Variants in TPTE observed in about 807,000 individuals in gnomAD.
TPTE encodes transmembrane phosphatase with tensin homology, also known as putative tyrosine-protein phosphatase TPTE.
Under a neutral mutation model 84.1 loss-of-function variants are expected in TPTE, and 59 were observed. The observed-to-expected ratio is 0.70, with a 90% CI of 0.57 to 0.87. The LOEUF (loss-of-function observed/expected upper bound fraction) is 0.87. Ranked by LOEUF, TPTE falls within the 40% of genes least tolerant of loss-of-function variation. The pLI is 0.00. For synonymous variants in TPTE, 130 were observed against 223.5 expected, an observed-to-expected ratio of 0.58 and a Z score of 3.73; for missense variants, 382 against 659.6, an observed-to-expected ratio of 0.58 and a Z score of 4.61.
chr21:10,587,052 A>T (rs2075379408), intron 17 of TPTE, among the ~76,000 whole-genome samples: 1 of 152,308 alleles, frequency 6.6e-6, no homozygotes, highest in Non-Finnish European at 1.5e-5. Flanking sequence ...ATTTTAGTGA[A>T]TGCTTTTTCC....
intron 3 of TPTE, among the ~76,000 whole-genome samples, chr21:10,536,675 T>C (rs549861921): frequency 6.6e-6 from 1 of 152,430 alleles, no homozygotes; most frequent in African/African-American, 2.4e-5. Context: ...ATACAGAATG[T>C]CTTTTACACT....
chr21:10,564,262 C>G (rs1379551978), intron 10 of TPTE, among the ~76,000 whole-genome samples: 4 of 152,310 alleles, frequency 2.6e-5, no homozygotes, highest in Admixed American at 6.5e-5. Flanking sequence ...ATAATCCCAG[C>G]ACTTTGGGAG....
chr21:10,545,799 A>T (rs1446838810), intron 7 of TPTE, among the ~76,000 whole-genome samples: 2 of 151,710 alleles, frequency 1.3e-5, no homozygotes, highest in Non-Finnish European at 2.9e-5. Context: ...ATATGTGCAT[A>T]TTTAAATGTG....
chr21:10,564,175 C>A (rs1433401999), intron 10 of TPTE, among the ~76,000 whole-genome samples: 4 of 152,262 alleles, frequency 2.6e-5, no homozygotes, highest in African/African-American at 4.8e-5. Flanking sequence ...AATAAAAAAA[C>A]CCATTGCTCT....
intron 7 of TPTE, among the ~76,000 whole-genome samples, chr21:10,552,014 CT>C (rs1417178893): frequency 6.6e-6 from 1 of 152,302 alleles, no homozygotes; most frequent in Admixed American, 6.5e-5. Flanking sequence ...CATTGTTGTC[CT>C]ATTTTAAGAA....
chr21:10,556,899 T>TC (rs2074695114), intron 8 of TPTE, among the ~76,000 whole-genome samples: 1 of 152,310 alleles, frequency 6.6e-6, no homozygotes, highest in African/African-American at 2.4e-5. Context: ...GTTTGATTTT[T>TC]TTCTTGTAAA....
At chr21:10,563,589 A>T (rs1274366004) in intron 10 of TPTE, among the ~76,000 whole-genome samples, 1 of 152,310 alleles carries the variant, frequency 6.6e-6, no homozygotes, top group Non-Finnish European at 1.5e-5. Flanking sequence ...ATAATGGATT[A>T]TAAGATAGTA....
chr21:10,603,453 T>C, intron 22 of TPTE, 109 bp from the exon 23 acceptor site: 1 of 1,148,684 alleles, frequency 8.7e-7, no homozygotes, highest in Admixed American at 2.4e-5. Flanking sequence ...TATTTAATGG[T>C]TATAATTGTT....
At chr21:10,523,142 A>G (rs1158711467) in intron 1 of TPTE, among the ~76,000 whole-genome samples, 2 of 152,310 alleles carry the variant, frequency 1.3e-5, no homozygotes, top group African/African-American at 4.8e-5. Context: ...TCATCAGAGT[A>G]AATAATAATC....
intron 17 of TPTE, among the ~76,000 whole-genome samples, chr21:10,589,213 C>T (rs1157320569): frequency 1.3e-5 from 2 of 152,300 alleles, no homozygotes; most frequent in Admixed American, 6.5e-5. Context: ...CCTTTCCCTT[C>T]TCCCTAGAGG....
intron 1 of TPTE, among the ~76,000 whole-genome samples, chr21:10,523,185 G>C (rs961430548): frequency 1.3e-5 from 2 of 152,258 alleles, no homozygotes; most frequent in African/African-American, 4.8e-5. Context: ...AAAATAACTA[G>C]AGAGATAGTC....
chr21:10,562,415 A>G (rs1414172248), intron 10 of TPTE, among the ~76,000 whole-genome samples: 2 of 152,306 alleles, frequency 1.3e-5, no homozygotes, highest in Non-Finnish European at 2.9e-5. Context: ...GAACTAAATA[A>G]GACACCAGGG....
chr21:10,528,231 G>T (rs1352949994), intron 3 of TPTE, among the ~76,000 whole-genome samples: 2 of 152,272 alleles, frequency 1.3e-5, no homozygotes, highest in East Asian at 3.8e-4. Context: ...CATTTATGTT[G>T]TTTCTTACTA....
intron 3 of TPTE, among the ~76,000 whole-genome samples, chr21:10,533,993 A>G (rs1200301039): frequency 1.3e-5 from 2 of 152,306 alleles, no homozygotes; most frequent in Non-Finnish European, 2.9e-5. Flanking sequence ...GTTTTGTCTT[A>G]TTTGAATCAG....
intron 3 of TPTE, among the ~76,000 whole-genome samples, chr21:10,529,929 A>T (rs2074147523): frequency 6.6e-6 from 1 of 152,280 alleles, no homozygotes; most frequent in Admixed American, 6.5e-5. Flanking sequence ...TTTTTTAAAA[A>T]AAGTAGTTTT....
At chr21:10,569,832 T>C in intron 13 of TPTE, 86 bp downstream of exon 13, 1 of 1,611,818 alleles carries the variant, frequency 6.2e-7, no homozygotes, top group Admixed American at 1.7e-5. Flanking sequence ...TAAGACACAT[T>C]CATTCAAAAT....
intron 11 of TPTE, among the ~76,000 whole-genome samples, chr21:10,568,408 A>G (rs1279932938): frequency 6.6e-6 from 1 of 152,312 alleles, no homozygotes; most frequent in Non-Finnish European, 1.5e-5. Context: ...GAAACAAAGA[A>G]AGCAGGCAAA....
chr21:10,564,555 C>G (rs1428660835), intron 10 of TPTE, among the ~76,000 whole-genome samples: 1 of 152,294 alleles, frequency 6.6e-6, no homozygotes, highest in Admixed American at 6.5e-5. Flanking sequence ...AAACCAAAAC[C>G]AAAAACATGC....
chr21:10,542,287 A>G, intron 5 of TPTE, 108 bp from the exon 6 acceptor site: 1 of 1,346,238 alleles, frequency 7.4e-7, no homozygotes. Context: ...ACACATGAAT[A>G]GTCAGAAATT....
Sources: allele counts gnomAD v4.1 joint callset (sites outside exome capture counted in the v4.1 genomes callset), GRCh38; gene constraint gnomAD v4.1.1; transcripts MANE v1.5; gene names NCBI Gene and HGNC (gene_info 2026-07-23, HGNC 2026-07-21).